The following RRP12 variants were observed in gnomAD, a reference collection of about 807,000 sequenced individuals.
RRP12 encodes ribosomal RNA processing 12 homolog, also known as RRP12-like protein.
RRP12 carries 78 observed loss-of-function variants against 157.3 expected under a neutral mutation model. The ratio of observed to expected loss-of-function variants is 0.50; its 90% CI spans 0.41 to 0.60. The LOEUF (loss-of-function observed/expected upper bound fraction) is 0.60, where lower values mean the gene tolerates loss of function less well. RRP12 is among the 20% of genes least tolerant of loss of function. RRP12 has a pLI of 0.00. For missense variants in RRP12, 1,521 were observed against 1,679.9 expected (o/e 0.91, Z 1.65); for synonymous variants, 726 against 670.9 (o/e 1.08, Z -1.27).
At chr10:97,383,222 G>A (rs1403543418) in intron 10 of RRP12, among the ~76,000 whole-genome samples, 1 of 152,212 alleles carries the variant, frequency 6.6e-6, no homozygotes, top group Admixed American at 6.5e-5. Context: ...GCTCCTGCGG[G>A]CTGAAGCATG....
chr10:97,367,204 C>A, intron 25 of RRP12, 72 bp from the exon 26 acceptor site: 1 of 1,320,018 alleles, frequency 7.6e-7, no homozygotes, highest in Non-Finnish European at 1.1e-6. Flanking sequence ...GCTGTCCAGC[C>A]CAGGGACGCA....
intron 31 of RRP12, among the ~76,000 whole-genome samples, chr10:97,360,301 AG>A (rs1363948208): frequency 1.3e-5 from 2 of 152,188 alleles, no homozygotes; most frequent in Non-Finnish European, 2.9e-5. Context: ...GCTGTGGCTC[AG>A]GGCTCCTCAG....
rs200684261 is a variant in RRP12 at position 97,386,999 on chromosome 10, A to G, written c.1018-1006T>C. On this transcript the variant is annotated intron_variant, in intron 8 of 33. Transcript: ENST00000370992. ...AGCGAGACTCCATCACAAAAAAAAA[A>G]AGAGAGAGAACACACAGTGAGTTGG... Among the ~76,000 whole-genome samples, 902 of 135,958 alleles carry G rather than the reference A, an allele frequency of 6.6e-3. 2 individuals carry two copies. Among genetic ancestry groups the G allele is most frequent in the Non-Finnish European group, 0.011 (671 of 62,748 alleles). The allele number at this position is 135,958 out of a possible 152,430, so 89.2% of individuals were successfully genotyped here.
Position 97,373,229 on chromosome 10 carries a change from A to T in RRP12, c.2027-29T>A, listed in dbSNP as rs1844209775. ...GTAAAAGGATCAAAGTTTGCACTAA[A>T]GGCACAGGAGCTGACTGTGCCTCAG... On this transcript the variant is annotated intron_variant, in intron 17 of 33. Coordinates refer to ENST00000370992, the MANE Select transcript of RRP12 (RefSeq NM_015179.4). 2.5e-6 allele frequency: 4 copies of T among 1,610,680 alleles called. No individual in the cohort carries two copies. The South Asian group carries it at 4.4e-5, about 18-fold the overall frequency.
intron 20 of RRP12, 96 bp from the exon 21 acceptor site, chr10:97,371,177 G>T: frequency 1.6e-6 from 2 of 1,286,238 alleles, no homozygotes; most frequent in Non-Finnish European, 2.2e-6. Flanking sequence ...TTCTGAGCAG[G>T]GGTCCGTGGG....
intron 8 of RRP12, 186 bp downstream of exon 8, chr10:97,388,066 C>T: frequency 1.5e-6 from 1 of 650,394 alleles, no homozygotes; most frequent in Non-Finnish European, 2.5e-6. Flanking sequence ...CAGCTTCCAT[C>T]TGGAAGGGGA....
chr10:97,380,830 C>T lies in RRP12; in HGVS notation c.1502G>A (p.Cys501Tyr). The change falls in exon 13 of 34, where the codon TGT becomes TAT. Residue 501 changes from cysteine to tyrosine, a missense_variant. By Grantham distance (194) the Cys-to-Tyr change is radical. Coordinates refer to ENST00000370992, the MANE Select transcript of RRP12 (RefSeq NM_015179.4). Reference sequence around the variant, plus strand: ...CATCACAGGGTGGGCCTGTCTCCCACACGCCTCGAAGAAGACACACAGCAG... The same window carrying T: ...CATCACAGGGTGGGCCTGTCTCCCATACGCCTCGAAGAAGACACACAGCAG... ...LQLLCVFFEACGRQAHPVMRK... is the reference protein window; with the variant it reads ...LQLLCVFFEAYGRQAHPVMRK... 2 of 1,614,190 alleles carry T rather than the reference C, an allele frequency of 1.2e-6. No homozygotes were observed. The highest frequency in any genetic ancestry group is 8.5e-7 in the Non-Finnish European group (1 of 1,180,020).
At chr10:97,379,825 T>G (rs1311487557) in intron 13 of RRP12, 55 bp from the exon 14 acceptor site, 82 of 1,537,120 alleles carry the variant, frequency 5.3e-5, no homozygotes, top group Non-Finnish European at 7.1e-5. Flanking sequence ...CAGGGACCCA[T>G]GACAAGACCC....
chr10:97,381,682 T>C (rs1844471750), intron 11 of RRP12, 33 bp downstream of exon 11: 6 of 1,559,258 alleles, frequency 3.8e-6, no homozygotes, highest in Non-Finnish European at 5.3e-6. Flanking sequence ...GAACCCCCTG[T>C]GCTCTCTGCT....
At chr10:97,387,387 G>A (rs1198993069) in intron 8 of RRP12, among the ~76,000 whole-genome samples, 1 of 142,244 alleles carries the variant, frequency 7.0e-6, no homozygotes, top group Non-Finnish European at 1.5e-5. Flanking sequence ...AAGTTGGAGT[G>A]CAGTGGCATG....
At chr10:97,378,946 A>G (rs1413025718) in intron 15 of RRP12, among the ~76,000 whole-genome samples, 1 of 152,246 alleles carries the variant, frequency 6.6e-6, no homozygotes, top group Non-Finnish European at 1.5e-5. Flanking sequence ...CATATCACAA[A>G]TTTTTACAAA....
intron 10 of RRP12, among the ~76,000 whole-genome samples, chr10:97,383,394 T>A (rs1030757927): frequency 3.9e-5 from 6 of 152,212 alleles, no homozygotes; most frequent in African/African-American, 1.4e-4. Flanking sequence ...TGTTTCTGGC[T>A]TATAAATTGG....
intron 25 of RRP12, chr10:97,367,354 C>T (rs1299444194): frequency 1.9e-5 from 11 of 587,120 alleles, no homozygotes; most frequent in South Asian, 1.2e-4. Context: ...TGAGCACCCT[C>T]GCAGGATGAG....
chr10:97,390,871 C>T (rs1445656171), intron 4 of RRP12, 27 bp from the exon 5 acceptor site: 25 of 1,463,502 alleles, frequency 1.7e-5, no homozygotes, highest in Non-Finnish European at 2.3e-5. Context: ...AGATGGTCAC[C>T]CCAGAGGGTC....
At chr10:97,401,065 G>T in intron 1 of RRP12, 28 bp downstream of exon 1, 1 of 1,609,140 alleles carries the variant, frequency 6.2e-7, no homozygotes, top group Non-Finnish European at 8.5e-7. Flanking sequence ...CCCCGCCCCC[G>T]GCTGCGCTCG....
chr10:97,369,577 T>A lies in RRP12; in HGVS notation c.2803A>T (p.Met935Leu), dbSNP rs750149281. 3.2e-6 allele frequency: 5 copies of A among 1,561,046 alleles called. No individual in the cohort carries two copies. The Admixed American group carries it at 5.8e-5, about 18-fold the overall frequency. The change falls in exon 25 of 34, where the codon ATG becomes TTG. Residue 935 changes from methionine (M) to leucine (L), a missense_variant. Met to Leu is a conservative substitution (Grantham distance 15). Transcript: ENST00000370992. ...AGCTGCTCCACTGTACTGGTCCCCA[T>A]CAGACCTGTGGCAGTGAGGGGGTCA... The part of the protein sequence containing the change: ...THLLFEFKGL[M>L]GTSTVEQLLE...
At chr10:97,376,636 T>C (rs185527613) in intron 15 of RRP12, among the ~76,000 whole-genome samples, 1 of 152,154 alleles carries the variant, frequency 6.6e-6, no homozygotes. Flanking sequence ...TACTCTTTGT[T>C]GTGTGAGGTC....
rs775599332 is a variant in RRP12, at chr10:97,366,428, G to A, written c.3391+18C>T. ...GGCAAGTCTGTTTTCTGAGTGCACT[G>A]GCCAGCCCTGTGCTTACCCAGGACT... On this transcript the variant is annotated intron_variant, in intron 28 of 33. Transcript: ENST00000370992. 2.8e-5 allele frequency: 44 copies of A among 1,599,988 alleles called. No homozygotes were observed. The highest frequency in any genetic ancestry group is 3.5e-5 in the Non-Finnish European group (41 of 1,172,550).
intron 30 of RRP12, among the ~76,000 whole-genome samples, chr10:97,361,156 A>C (rs1315517901): frequency 1.3e-5 from 2 of 152,210 alleles, no homozygotes; most frequent in African/African-American, 4.8e-5. Context: ...CAAGCCAGTC[A>C]TCACTGATCC....
Sources: allele counts gnomAD v4.1 joint callset (sites outside exome capture counted in the v4.1 genomes callset), GRCh38; gene constraint gnomAD v4.1.1; transcripts MANE v1.5; gene names NCBI Gene and HGNC (gene_info 2026-07-23, HGNC 2026-07-21).